Variants in TRABD2B observed in about 807,000 individuals in gnomAD.
TRABD2B encodes the protein TraB domain containing 2B, also known as metalloprotease TIKI2.
In TRABD2B, 14 loss-of-function variants were observed where a neutral mutation model predicts 40.1. The observed-to-expected ratio is 0.35, with a 90% CI of 0.23 to 0.55. The LOEUF is 0.55. Ranked by LOEUF, TRABD2B falls within the 20% of genes least tolerant of loss-of-function variation. The probability of loss-of-function intolerance (pLI) is 0.90; values close to 1 mark genes in which losing one functional copy is unlikely to be tolerated. For synonymous variants in TRABD2B, 263 were observed against 277.0 expected (o/e 0.95, Z 0.50); for missense variants, 541 against 648.6 (o/e 0.83, Z 1.80).
chr1:47,918,347 A>G (rs1180191932), intron 2 of TRABD2B, among the ~76,000 whole-genome samples: 2 of 152,232 alleles, frequency 1.3e-5, no homozygotes, highest in Non-Finnish European at 2.9e-5. Flanking sequence ...TATTTGGAGA[A>G]CAGACTGTCT....
intron 2 of TRABD2B, among the ~76,000 whole-genome samples, chr1:47,896,064 C>T (rs1644516349): frequency 6.6e-6 from 1 of 152,264 alleles, no homozygotes; most frequent in Non-Finnish European, 1.5e-5. Context: ...CCCTAAACCA[C>T]AGGCTGTCCC....
At chr1:47,867,093 T>C (rs1391506340) in intron 2 of TRABD2B, among the ~76,000 whole-genome samples, 2 of 152,188 alleles carry the variant, frequency 1.3e-5, no homozygotes, top group East Asian at 1.9e-4. Context: ...TGCCCTGGAT[T>C]GTGGACCCAG....
chr1:47,972,397 G>C (rs554097036), intron 2 of TRABD2B, among the ~76,000 whole-genome samples: 1 of 151,726 alleles, frequency 6.6e-6, no homozygotes, highest in African/African-American at 2.4e-5. Flanking sequence ...TCAAATTCAT[G>C]TGCTGAAATT....
intron 2 of TRABD2B, among the ~76,000 whole-genome samples, chr1:47,919,881 A>G (rs1225348865): frequency 6.6e-6 from 1 of 152,048 alleles, no homozygotes; most frequent in Non-Finnish European, 1.5e-5. Flanking sequence ...AAAGAGAGGG[A>G]GGATGTAAAT....
intron 2 of TRABD2B, among the ~76,000 whole-genome samples, chr1:47,968,512 G>A (rs1436269533): frequency 1.3e-5 from 2 of 152,128 alleles, no homozygotes; most frequent in African/African-American, 4.8e-5. Flanking sequence ...TTCATCTTGG[G>A]CTCAGGAACA....
chr1:47,867,393 T>C (rs1011152436), intron 2 of TRABD2B, among the ~76,000 whole-genome samples: 1 of 152,202 alleles, frequency 6.6e-6, no homozygotes, highest in African/African-American at 2.4e-5. Context: ...TTGAGTCAAG[T>C]TAGCCAGCTT....
chr1:47,962,023 C>G (rs1056210433), intron 2 of TRABD2B, among the ~76,000 whole-genome samples: 2 of 152,106 alleles, frequency 1.3e-5, no homozygotes, highest in Non-Finnish European at 2.9e-5. Flanking sequence ...CCATGGAATA[C>G]TATGCAGCCA....
At chr1:47,804,154 G>A (rs1184688277) in intron 2 of TRABD2B, among the ~76,000 whole-genome samples, 1 of 152,226 alleles carries the variant, frequency 6.6e-6, no homozygotes, top group East Asian at 1.9e-4. Context: ...GAGCTGGCTG[G>A]AGATGAGGTC....
intron 2 of TRABD2B, among the ~76,000 whole-genome samples, chr1:47,858,157 A>C (rs1643914627): frequency 6.6e-6 from 1 of 151,996 alleles, no homozygotes; most frequent in African/African-American, 2.4e-5. Flanking sequence ...GGTTTCAGGC[A>C]TCCTCCGACA....
At chr1:47,874,252 A>ATTTTTTTTTTTTTTT (rs61411862) in intron 2 of TRABD2B, among the ~76,000 whole-genome samples, 7 of 90,520 alleles carry the variant, frequency 7.7e-5, no homozygotes, top group Admixed American at 1.6e-4. Context: ...TGATTAATTA[A>ATTTTTTTTTTTTTTT]TTTTTTTTTT....
chr1:47,839,066 C>T (rs1339216451), intron 2 of TRABD2B, among the ~76,000 whole-genome samples: 2 of 152,134 alleles, frequency 1.3e-5, no homozygotes, highest in South Asian at 2.1e-4. Flanking sequence ...ACACCCTTGG[C>T]GTCAGGCCTT....
In TRABD2B at chr1:47,813,951, C is replaced by T. The variant is rs17424871; in HGVS notation, c.667-12332G>A. Among the ~76,000 whole-genome samples, 2 of 152,134 alleles carry T rather than the reference C, an allele frequency of 1.3e-5. No individual in the cohort carries two copies. Among genetic ancestry groups the T allele is most frequent in the South Asian group, 2.1e-4 (1 of 4,826 alleles). ...AGGGAGGAAGTTCCAGGAAGACTTG[C>T]GACAAGATCAAGTAACATTCATTAA... On this transcript the variant is annotated intron_variant, in intron 2 of 6. Transcript: ENST00000606738. This position sits in a 1 kb window ranked among gnomAD's most constrained non-coding sequence, Gnocchi z 4.3.
In TRABD2B at chr1:47,994,421, G is replaced by T. The variant is rs891232515; in HGVS notation, c.279C>A (p.Thr93=). 1.3e-5 allele frequency: 20 copies of T among 1,536,186 alleles called. 1 individual carries two copies. The African/African-American group carries it at 2.6e-4, about 20-fold the overall frequency. The change falls in exon 2 of 7, where the codon ACC becomes ACA. Residue 93 remains threonine, a synonymous_variant. Coordinates refer to ENST00000606738, the MANE Select transcript of TRABD2B (RefSeq NM_001194986.2). This position sits in a 1 kb window ranked among gnomAD's most constrained non-coding sequence, Gnocchi z 6.7. ...YFELDLTDPY[T]ISALASCQLL... ...GCTGGCAGCTGGCCAGGGCCGAGAT[G>T]GTGTAGGGGTCTGTAAGGTCCAGCT... is the stretch of plus-strand genomic sequence containing the variant.
intron 2 of TRABD2B, among the ~76,000 whole-genome samples, chr1:47,816,906 A>G (rs1645039997): frequency 6.6e-6 from 1 of 152,222 alleles, no homozygotes; most frequent in Non-Finnish European, 1.5e-5. Flanking sequence ...TCACACAGCA[A>G]GTAAGTGGTG....
intron 2 of TRABD2B, among the ~76,000 whole-genome samples, chr1:47,990,691 A>G (rs531196529): frequency 8.5e-4 from 126 of 148,854 alleles, no homozygotes; most frequent in African/African-American, 2.9e-3. Context: ...AAGACTGGTA[A>G]TTGCTGCCCC....
intron 2 of TRABD2B, among the ~76,000 whole-genome samples, chr1:47,976,710 T>C (rs891452404): frequency 3.9e-5 from 6 of 152,136 alleles, no homozygotes; most frequent in East Asian, 1.9e-4. Context: ...CTGAGGTAGA[T>C]AGGGATGGAA....
rs76380704 is a variant in TRABD2B, at chr1:47,768,668, A to G, written c.1350-2562T>C. 2.7e-3 allele frequency among the ~76,000 whole-genome samples: 410 copies of G among 152,250 alleles called. 1 individual carries two copies. Among genetic ancestry groups the G allele is most frequent in the African/African-American group, 9.5e-3 (396 of 41,540 alleles). On this transcript the variant is annotated intron_variant, in intron 6 of 6. Transcript: ENST00000606738. ...TCTCCATTTATTATACGTAGTTTGC[A>G]TGGGTTTCTATATGTAACGTGCTTT... is the stretch of plus-strand genomic sequence containing the variant.
chr1:47,847,741 C>A (rs1388863259), intron 2 of TRABD2B, among the ~76,000 whole-genome samples: 1 of 152,194 alleles, frequency 6.6e-6, no homozygotes, highest in African/African-American at 2.4e-5. Context: ...GGGGAAATGT[C>A]CACATTACCA....
chr1:47,982,808 A>G (rs1645859106), intron 2 of TRABD2B, among the ~76,000 whole-genome samples: 1 of 147,850 alleles, frequency 6.8e-6, no homozygotes, highest in Non-Finnish European at 1.5e-5. Context: ...CTTCCTTTCC[A>G]CCTCATCTCC....
Sources: allele counts gnomAD v4.1 joint callset (sites outside exome capture counted in the v4.1 genomes callset), GRCh38; gene constraint gnomAD v4.1.1; non-coding constraint Gnocchi (gnomAD v3.1); transcripts MANE v1.5; gene names NCBI Gene and HGNC (gene_info 2026-07-23, HGNC 2026-07-21).